Variants in DPH6 observed in about 807,000 individuals in gnomAD.
DPH6 encodes diphthine--ammonia ligase.
A neutral mutation model predicts 38.2 loss-of-function variants in DPH6; 33 were observed. The ratio of observed to expected loss-of-function variants is 0.86; its 90% CI spans 0.65 to 1.15. DPH6 has a LOEUF of 1.15. Among genes scored for constraint, DPH6 ranks in the 50% most tolerant of loss-of-function variants. The probability of loss-of-function intolerance (pLI) is 0.00; values close to 1 mark genes in which losing one functional copy is unlikely to be tolerated. For synonymous variants in DPH6, 108 were observed against 103.0 expected (o/e 1.05, Z -0.30); for missense variants, 325 against 320.0 (o/e 1.02, Z -0.12).
In DPH6 at chr15:35,381,810, A is replaced by G; in HGVS notation, c.662+12T>C. On this transcript the variant is annotated intron_variant, in intron 7 of 8. Transcript: ENST00000256538. ...TATGGGAAAAAAAGAAAATGCTGAA[A>G]TGATATCTTACACAATTATTTTCTT... 1 of 1,596,760 alleles carries G rather than the reference A, an allele frequency of 6.3e-7. No individual in the cohort carries two copies. Among genetic ancestry groups the G allele is most frequent in the Non-Finnish European group, 8.6e-7 (1 of 1,165,972 alleles).
intron 6 of DPH6, among the ~76,000 whole-genome samples, chr15:35,400,291 G>A (rs888351774): frequency 2.0e-5 from 3 of 152,124 alleles, no homozygotes; most frequent in Non-Finnish European, 2.9e-5. Flanking sequence ...CTGTGTATTG[G>A]GCTTTTACAG....
At chr15:35,438,477 ATTTG>A (rs1411464809) in intron 5 of DPH6, among the ~76,000 whole-genome samples, 7 of 152,280 alleles carry the variant, frequency 4.6e-5, no homozygotes, top group African/African-American at 1.4e-4. Flanking sequence ...CTTTCTCAAA[ATTTG>A]TTTTTGTCTT....
intron 3 of DPH6, among the ~76,000 whole-genome samples, chr15:35,324,189 T>A (rs1417390614): frequency 6.6e-6 from 1 of 152,156 alleles, no homozygotes; most frequent in African/African-American, 2.4e-5. Context: ...ATGGTAGACA[T>A]CAAATAAAAT....
chr15:35,337,019 T>C (rs1595485798), intron 3 of DPH6, among the ~76,000 whole-genome samples: 3 of 152,156 alleles, frequency 2.0e-5, no homozygotes, highest in African/African-American at 7.2e-5. Flanking sequence ...TCAGAAGGAA[T>C]GGTACCAGTT....
At chr15:35,247,744 G>C (rs945814428) in intron 3 of DPH6, among the ~76,000 whole-genome samples, 2 of 152,048 alleles carry the variant, frequency 1.3e-5, no homozygotes, top group Non-Finnish European at 2.9e-5. Context: ...TTGAAATACT[G>C]TTTTTGGTTC....
chr15:35,420,466 A>T (rs532435859), intron 5 of DPH6, among the ~76,000 whole-genome samples: 159 of 152,312 alleles, frequency 1.0e-3, no homozygotes, highest in Non-Finnish European at 1.9e-3. Flanking sequence ...AATAAAATTG[A>T]GCCTGGCAAA....
chr15:35,534,779 T>C (rs1348350006), intron 3 of DPH6, among the ~76,000 whole-genome samples: 1 of 152,194 alleles, frequency 6.6e-6, no homozygotes, highest in Non-Finnish European at 1.5e-5. Context: ...GAACCATCCT[T>C]ACACTGCAAT....
At chr15:35,467,680 C>T (rs968204908) in intron 3 of DPH6, among the ~76,000 whole-genome samples, 7 of 152,186 alleles carry the variant, frequency 4.6e-5, no homozygotes, top group Non-Finnish European at 7.4e-5. Flanking sequence ...ATCATCCCAC[C>T]GGAAGGTCTT....
At chr15:35,362,906 T>C (rs746440898) in intron 3 of DPH6, among the ~76,000 whole-genome samples, 10 of 152,148 alleles carry the variant, frequency 6.6e-5, no homozygotes, top group Non-Finnish European at 1.2e-4. Context: ...CATGGGGAAA[T>C]AGGGTTGGTC....
rs568298723 is a variant in DPH6 at position 35,479,809 on chromosome 15, T to G, written c.313-24989A>C. Among the ~76,000 whole-genome samples the G allele has an allele frequency of 2.9e-4, 44 of 152,236 alleles. 1 individual carries two copies. Among genetic ancestry groups the G allele is most frequent in the Non-Finnish European group, 7.4e-5 (5 of 67,988 alleles). The stretch of plus-strand genomic sequence containing the variant: ...AATCTATGCAAGACTGTTAACAGAT[T>G]ATTTAAATAAAAAGCACGATTTACA... On this transcript the variant is annotated intron_variant, in intron 3 of 8. Coordinates refer to ENST00000256538, the MANE Select transcript of DPH6 (RefSeq NM_080650.4).
chr15:35,358,242 T>C (rs1016487239), intron 3 of DPH6, among the ~76,000 whole-genome samples: 5 of 152,206 alleles, frequency 3.3e-5, no homozygotes, highest in Non-Finnish European at 7.4e-5. Flanking sequence ...GATTTTTTTT[T>C]CTTTAAGTTA....
At chr15:35,473,913 A>AGTGTGTGTGT (rs58549209) in intron 3 of DPH6, among the ~76,000 whole-genome samples, 289 of 126,872 alleles carry the variant, frequency 2.3e-3, no homozygotes, top group African/African-American at 5.9e-3. Context: ...CACTGTGCAC[A>AGTGTGTGTGT]GTGTGTGTGT....
chr15:35,515,660 G>A (rs1427803071), intron 3 of DPH6, among the ~76,000 whole-genome samples: 1 of 145,726 alleles, frequency 6.9e-6, no homozygotes, highest in Non-Finnish European at 1.5e-5. Flanking sequence ...GGCAGAGCTT[G>A]CAGTGAGCCA....
chr15:35,515,604 C>T (rs893782580), intron 3 of DPH6, among the ~76,000 whole-genome samples: 2 of 151,510 alleles, frequency 1.3e-5, no homozygotes, highest in African/African-American at 4.9e-5. Context: ...GCCTGTAGTC[C>T]CAGCTACTCA....
chr15:35,306,264 CTG>C (rs2052090075), intron 3 of DPH6, among the ~76,000 whole-genome samples: 1 of 152,178 alleles, frequency 6.6e-6, no homozygotes, highest in East Asian at 1.9e-4. Context: ...TGTTTCTAAA[CTG>C]TTTTTTATAA....
chr15:35,189,508 G>C, the DPH6 span, among the ~76,000 whole-genome samples: 1 of 151,996 alleles, frequency 6.6e-6, no homozygotes, highest in Non-Finnish European at 1.5e-5. Flanking sequence ...TAAGACCCTG[G>C]AAAATCCAAA....
rs1199461402 is a variant in DPH6 at position 35,467,763 on chromosome 15, CCGG to C, written c.313-12946_313-12944del. On this transcript the variant is annotated intron_variant, in intron 3 of 8. Coordinates refer to ENST00000256538, the MANE Select transcript of DPH6 (RefSeq NM_080650.4). The stretch of plus-strand genomic sequence containing the variant: ...CTTCTTGCGGAATACCTTGGAGGGA[CCGG>C]CCTGAGGCTGTTTTACACTTAATCT... Among the ~76,000 whole-genome samples the C allele has an allele frequency of 7.6e-4, 116 of 152,224 alleles. 3 individuals are homozygous for C. In the South Asian group the frequency reaches 0.022, roughly 29 times the overall value.
chr15:35,412,255 A>C (rs1595541208), intron 5 of DPH6, among the ~76,000 whole-genome samples: 1 of 151,896 alleles, frequency 6.6e-6, no homozygotes, highest in East Asian at 1.9e-4. Flanking sequence ...TCCACATCAT[A>C]TGTCACCAGA....
At chr15:35,461,115 C>T (rs1002225990) in intron 3 of DPH6, among the ~76,000 whole-genome samples, 6 of 152,158 alleles carry the variant, frequency 3.9e-5, no homozygotes, top group African/African-American at 7.2e-5. Flanking sequence ...GATGGAGTCT[C>T]GCTCTGTCGC....
Sources: allele counts gnomAD v4.1 joint callset (sites outside exome capture counted in the v4.1 genomes callset), GRCh38; gene constraint gnomAD v4.1.1; transcripts MANE v1.5; gene names NCBI Gene and HGNC (gene_info 2026-07-23, HGNC 2026-07-21).